Variants in PCDH9 observed in about 807,000 individuals in gnomAD.
PCDH9 encodes protocadherin-9.
In PCDH9, 24 loss-of-function variants were observed where a neutral mutation model predicts 70.6. The observed-to-expected ratio is 0.34, with a 90% CI of 0.25 to 0.48. PCDH9 has a LOEUF of 0.48. Ranked by LOEUF, PCDH9 falls within the 20% of genes least tolerant of loss-of-function variation. PCDH9 has a pLI of 0.99. For synonymous variants in PCDH9, 562 were observed against 558.5 expected (o/e 1.01, Z -0.09); for missense variants, 1,281 against 1,503.6 (o/e 0.85, Z 2.45).
At chr13:66,759,675 C>T (rs1187563475) in intron 3 of PCDH9, among the ~76,000 whole-genome samples, 1 of 65,838 alleles carries the variant, frequency 1.5e-5, no homozygotes, top group African/African-American at 5.1e-5. Flanking sequence ...TTTTGCTTCA[C>T]AGTTACCATG....
chr13:66,444,461 A>G (rs1958033538), intron 4 of PCDH9, among the ~76,000 whole-genome samples: 1 of 152,172 alleles, frequency 6.6e-6, no homozygotes, highest in Non-Finnish European at 1.5e-5. Flanking sequence ...CCATGAGGAC[A>G]AAAATTATTT....
chr13:67,039,128 C>T (rs566896082), intron 2 of PCDH9, among the ~76,000 whole-genome samples: 11 of 152,256 alleles, frequency 7.2e-5, no homozygotes, highest in Non-Finnish European at 8.8e-5. Context: ...TCCAAGGGGA[C>T]TCTTATATTG....
At chr13:67,109,234 C>G (rs1326332705) in intron 2 of PCDH9, among the ~76,000 whole-genome samples, 3 of 152,104 alleles carry the variant, frequency 2.0e-5, no homozygotes, top group African/African-American at 7.2e-5. Flanking sequence ...CACTTTTTCA[C>G]CTTCCTCTAC....
chr13:66,541,325 T>G (rs1165957964), intron 4 of PCDH9, among the ~76,000 whole-genome samples: 1 of 152,076 alleles, frequency 6.6e-6, no homozygotes, highest in Non-Finnish European at 1.5e-5. Flanking sequence ...GTGTTAAGAG[T>G]AATGAGAGTA....
chr13:67,037,387 C>A (rs1441873511), intron 2 of PCDH9, among the ~76,000 whole-genome samples: 2 of 152,122 alleles, frequency 1.3e-5, no homozygotes, highest in African/African-American at 4.8e-5. Context: ...TGCAGCTTTA[C>A]TGTATGCATT....
At chr13:67,082,997 A>G (rs545695533) in intron 2 of PCDH9, among the ~76,000 whole-genome samples, 9 of 152,302 alleles carry the variant, frequency 5.9e-5, no homozygotes, top group Admixed American at 5.9e-4. Context: ...TTTTCAATAG[A>G]CCACATAAGT....
At chr13:66,406,392 T>C (rs1176767494) in intron 4 of PCDH9, among the ~76,000 whole-genome samples, 3 of 152,214 alleles carry the variant, frequency 2.0e-5, no homozygotes, top group Non-Finnish European at 4.4e-5. Flanking sequence ...ACACAGTCAA[T>C]GTAAAAACTG....
chr13:66,385,917 GGCATGTATTTGTGTTTAACGTA>G (rs1182655426), intron 4 of PCDH9, among the ~76,000 whole-genome samples: 1 of 151,768 alleles, frequency 6.6e-6, no homozygotes, highest in Non-Finnish European at 1.5e-5. Context: ...TCGGTGGACA[GGCATGTATTTGTGTTTAACGTA>G]GCAAAAGAAC....
chr13:66,326,426 TA>T (rs1378123410), intron 4 of PCDH9, among the ~76,000 whole-genome samples: 16 of 144,722 alleles, frequency 1.1e-4, no homozygotes, highest in South Asian at 2.2e-4. Context: ...ACGAAAACAA[TA>T]AAAAAAAACA....
intron 3 of PCDH9, among the ~76,000 whole-genome samples, chr13:66,843,999 A>C (rs1299408389): frequency 6.6e-6 from 1 of 152,062 alleles, no homozygotes; most frequent in Admixed American, 6.5e-5. Context: ...GCAATACTTC[A>C]CTTTCTAATA....
chr13:66,553,863 T>C, intron 4 of PCDH9, among the ~76,000 whole-genome samples: 1 of 152,176 alleles, frequency 6.6e-6, no homozygotes, highest in East Asian at 1.9e-4. Flanking sequence ...TAATCTTAGT[T>C]TCATAAAGTA....
At chr13:66,918,851 C>A (rs2082597217) in intron 2 of PCDH9, among the ~76,000 whole-genome samples, 1 of 151,156 alleles carries the variant, frequency 6.6e-6, no homozygotes, top group African/African-American at 2.4e-5. Context: ...GTGCTTTCAA[C>A]CTTTGGTTTT....
At chr13:66,757,512 T>C (rs1463033673) in intron 3 of PCDH9, among the ~76,000 whole-genome samples, 1 of 152,138 alleles carries the variant, frequency 6.6e-6, no homozygotes, top group Non-Finnish European at 1.5e-5. Flanking sequence ...AACCAAATTC[T>C]ATGTGTCCTC....
chr13:67,043,979 C>T (rs528582205), intron 2 of PCDH9, among the ~76,000 whole-genome samples: 5 of 152,106 alleles, frequency 3.3e-5, no homozygotes, highest in Non-Finnish European at 7.4e-5. Flanking sequence ...ACTCTTTGAA[C>T]TAGCTCAAAT....
At chr13:67,168,631 TGAG>T (rs891528283) in intron 2 of PCDH9, among the ~76,000 whole-genome samples, 5 of 151,658 alleles carry the variant, frequency 3.3e-5, no homozygotes, top group African/African-American at 1.2e-4. Flanking sequence ...CTCAAGAGGC[TGAG>T]ATGGGGGGAT....
intron 2 of PCDH9, among the ~76,000 whole-genome samples, chr13:67,029,521 A>AT (rs1208441015): frequency 6.6e-6 from 1 of 152,042 alleles, no homozygotes; most frequent in Non-Finnish European, 1.5e-5. Flanking sequence ...TAATCTCTTC[A>AT]TTCAAAAGCT....
At chr13:66,799,794 G>T in intron 3 of PCDH9, among the ~76,000 whole-genome samples, 1 of 152,262 alleles carries the variant, frequency 6.6e-6, no homozygotes, top group South Asian at 2.1e-4. Flanking sequence ...AAAACTTTAT[G>T]AGTCTCCTTA....
intron 2 of PCDH9, among the ~76,000 whole-genome samples, chr13:67,049,074 T>TA: frequency 6.6e-6 from 1 of 152,242 alleles, no homozygotes; most frequent in Middle Eastern, 3.4e-3. Context: ...AGAATAAAAT[T>TA]AAAAAATGTT....
rs574484733 is a variant in PCDH9 at position 66,846,121 on chromosome 13, G to C, written c.3138+57383C>G. On this transcript the variant is annotated intron_variant, in intron 3 of 4. Transcript: ENST00000377865. ...GATGTAAACACACATAGATAATGCAGGGGGAAAAAAAGACCAAAAAAAAAA... is the reference window on the plus strand; with the variant it reads ...GATGTAAACACACATAGATAATGCACGGGGAAAAAAAGACCAAAAAAAAAA... Among the ~76,000 whole-genome samples the C allele has an allele frequency of 2.6e-4, 16 of 61,074 alleles. 1 individual carries two copies. In the South Asian group the frequency reaches 0.01, roughly 40 times the overall value. The allele number at this position is 61,074 out of a possible 152,430, so 40.1% of individuals were successfully genotyped here. A position where few individuals can be genotyped will look rare whatever the true frequency, so the allele number is the denominator to read the frequency against.
Sources: gnomAD v4.1 joint callset for allele counts (sites outside exome capture counted in the v4.1 genomes callset) on GRCh38, gnomAD v4.1.1 for gene constraint, MANE v1.5 for transcripts, NCBI Gene and HGNC (gene_info 2026-07-23, HGNC 2026-07-21) for gene names.